The following RPS6KC1 variants were observed in gnomAD, a reference collection of about 807,000 sequenced individuals.
RPS6KC1 encodes the protein ribosomal protein S6 kinase C1, also known as inactive ribosomal protein S6 kinase delta-1.
A neutral mutation model predicts 103.8 loss-of-function variants in RPS6KC1; 54 were observed. The ratio of observed to expected loss-of-function variants is 0.52; its 90% confidence interval spans 0.42 to 0.65. The LOEUF is 0.65. RPS6KC1 is among the 30% of genes least tolerant of loss of function. The pLI is 0.00. For missense variants in RPS6KC1, 1,151 were observed against 1,253.8 expected (o/e 0.92, Z 1.24); for synonymous variants, 439 against 438.7 (o/e 1.00, Z -0.01).
intron 1 of RPS6KC1, among the ~76,000 whole-genome samples, chr1:213,053,504 G>T (rs1437044314): frequency 1.3e-5 from 2 of 152,176 alleles, no homozygotes; most frequent in African/African-American, 4.8e-5. Context: ...ATAAAGCAGG[G>T]ATCTTTATTC....
intron 6 of RPS6KC1, among the ~76,000 whole-genome samples, chr1:213,139,502 T>C (rs905696590): frequency 5.3e-5 from 8 of 152,104 alleles, no homozygotes; most frequent in Non-Finnish European, 7.3e-5. Context: ...TTAATCCATC[T>C]TTAGTTGATT....
At chr1:213,146,007 T>A (rs1480683876) in intron 6 of RPS6KC1, among the ~76,000 whole-genome samples, 47 of 125,876 alleles carry the variant, frequency 3.7e-4, no homozygotes, top group African/African-American at 1.3e-3. Flanking sequence ...TATATGTTAA[T>A]CATCCCACCT....
the RPS6KC1 span, among the ~76,000 whole-genome samples, chr1:213,768,516 A>G: frequency 6.6e-6 from 1 of 152,234 alleles, no homozygotes; most frequent in African/African-American, 2.4e-5. Context: ...TAGAAATTGC[A>G]TTTGAAAGAT....
the RPS6KC1 span, among the ~76,000 whole-genome samples, chr1:213,654,174 A>G: frequency 2.0e-5 from 3 of 152,024 alleles, no homozygotes; most frequent in South Asian, 2.1e-4. Context: ...TTTCTCTTTT[A>G]TGTTGCTCTC....
chr1:213,406,123 C>T, the RPS6KC1 span, among the ~76,000 whole-genome samples: 1 of 152,248 alleles, frequency 6.6e-6, no homozygotes, highest in East Asian at 1.9e-4. Flanking sequence ...GCCAGTGACC[C>T]GGAGTGAGCA....
the RPS6KC1 span, among the ~76,000 whole-genome samples, chr1:213,578,369 G>A: frequency 5.9e-5 from 9 of 152,244 alleles, no homozygotes; most frequent in African/African-American, 1.9e-4. Flanking sequence ...CGTACACAGA[G>A]TTCCCACTGG....
At chr1:213,225,815 T>G (rs1337832189) in intron 8 of RPS6KC1, among the ~76,000 whole-genome samples, 1 of 152,206 alleles carries the variant, frequency 6.6e-6, no homozygotes, top group African/African-American at 2.4e-5. Flanking sequence ...TAGGGAGAAG[T>G]TCTTTCCTTT....
the RPS6KC1 span, among the ~76,000 whole-genome samples, chr1:213,528,582 G>A: frequency 1.3e-5 from 2 of 152,108 alleles, no homozygotes; most frequent in Non-Finnish European, 2.9e-5. Flanking sequence ...AAAGAACACT[G>A]GCCCCAAATT....
chr1:213,216,463 A>C (rs1045978282), intron 8 of RPS6KC1, among the ~76,000 whole-genome samples: 2 of 152,034 alleles, frequency 1.3e-5, no homozygotes, highest in Non-Finnish European at 2.9e-5. Flanking sequence ...ACAGATCAAC[A>C]AGACAGAAAG....
the RPS6KC1 span, among the ~76,000 whole-genome samples, chr1:213,595,533 A>C: frequency 6.6e-6 from 1 of 152,208 alleles, no homozygotes; most frequent in Non-Finnish European, 1.5e-5. Flanking sequence ...GCAGACAGGC[A>C]CACAGGTGTC....
At chr1:213,515,415 A>G in the RPS6KC1 span, among the ~76,000 whole-genome samples, 1 of 152,200 alleles carries the variant, frequency 6.6e-6, no homozygotes, top group African/African-American at 2.4e-5. Flanking sequence ...TATAAGGTAT[A>G]AGGAAGGGAT....
the RPS6KC1 span, among the ~76,000 whole-genome samples, chr1:213,297,767 C>T: frequency 6.6e-6 from 1 of 152,114 alleles, no homozygotes; most frequent in Non-Finnish European, 1.5e-5. Context: ...TGTACCACCA[C>T]GCTAAGCTAA....
chr1:213,062,472 CA>C (rs2077927658), intron 1 of RPS6KC1, among the ~76,000 whole-genome samples: 1 of 151,916 alleles, frequency 6.6e-6, no homozygotes, highest in Non-Finnish European at 1.5e-5. Context: ...TTAATCTTAA[CA>C]AAAAATACAG....
At chr1:213,630,749 GT>G in the RPS6KC1 span, among the ~76,000 whole-genome samples, 359 of 152,184 alleles carry the variant, frequency 2.4e-3, 2 homozygotes, top group African/African-American at 8.3e-3. Context: ...TACAGATGGG[GT>G]TTTGGTGTGG....
chr1:213,847,778 A>G, the RPS6KC1 span, among the ~76,000 whole-genome samples: 1 of 152,146 alleles, frequency 6.6e-6, no homozygotes, highest in African/African-American at 2.4e-5. Context: ...AGAAGACGCC[A>G]TTGTATATTT....
Position 213,237,787 on chromosome 1 carries a change from A to C in RPS6KC1, c.1226-2915A>C, listed in dbSNP as rs548568193. Among the ~76,000 whole-genome samples, 59 of 152,228 alleles carry C rather than the reference A, an allele frequency of 3.9e-4. No individual in the cohort carries two copies. In the South Asian group the frequency reaches 5.4e-3, roughly 14 times the overall value. On this transcript the variant is annotated intron_variant, in intron 10 of 14. Coordinates refer to ENST00000366960, the MANE Select transcript of RPS6KC1 (RefSeq NM_012424.6). ...TAAATCTTAAAATGGTTCAATATCT[A>C]CAATTTTATGTGCTTCAAAAAGACT...
the RPS6KC1 span, among the ~76,000 whole-genome samples, chr1:213,601,058 T>C: frequency 5.3e-5 from 8 of 152,252 alleles, no homozygotes; most frequent in African/African-American, 1.9e-4. Flanking sequence ...TAAATGATCC[T>C]CATTCCTGCC....
At chr1:213,570,499 C>G in the RPS6KC1 span, among the ~76,000 whole-genome samples, 1 of 152,158 alleles carries the variant, frequency 6.6e-6, no homozygotes. Context: ...AGAGTTGTAG[C>G]AATCATGGCA....
At chr1:213,483,780 G>A in the RPS6KC1 span, among the ~76,000 whole-genome samples, 4 of 152,214 alleles carry the variant, frequency 2.6e-5, no homozygotes, top group Admixed American at 6.5e-5. Flanking sequence ...AGGCAGCAGT[G>A]GAGTTATTGG....
Sources: gnomAD v4.1 joint callset for allele counts (sites outside exome capture counted in the v4.1 genomes callset) on GRCh38, gnomAD v4.1.1 for gene constraint, MANE v1.5 for transcripts, NCBI Gene and HGNC (gene_info 2026-07-23, HGNC 2026-07-21) for gene names.